FAT2: variants seen among roughly 807,000 people sequenced by gnomAD.
FAT2 encodes the protein protocadherin Fat 2.
Under a neutral mutation model 295.3 loss-of-function variants are expected in FAT2, and 150 were observed. That is an observed-to-expected ratio of 0.51 (90% confidence interval 0.44 to 0.58). FAT2 has a LOEUF of 0.58. Ranked by LOEUF, FAT2 falls within the 20% of genes least tolerant of loss-of-function variation. The pLI is 0.00. For synonymous variants in FAT2, 2,026 were observed against 2,150.3 expected, an observed-to-expected ratio of 0.94 and a Z score of 1.60; for missense variants, 4,868 against 5,442.7, an observed-to-expected ratio of 0.89 and a Z score of 3.32.
rs116401802 is a variant in FAT2, at chr5:151,546,322, A to G, written c.4805T>C (p.Phe1602Ser). ...YSLLKGNSEG[F>S]FNINALLGII... ...GCCTAGCAGGGCATTGATGTTGAAG[A>G]AACCTTCGCTGTTCCCTGAAACAGA... Residue 1602 changes from phenylalanine (F) to serine (S), a missense_variant, in exon 10 of 24, where the codon TTC becomes TCC. By Grantham distance (155) the Phe-to-Ser change is radical. Transcript: ENST00000261800. The G allele has an allele frequency of 5.5e-4, 889 of 1,612,610 alleles. 3 individuals carry two copies. In the African/African-American group the frequency reaches 0.011, roughly 20 times the overall value.
At chr5:151,562,527 G>A (rs1339917036) in intron 3 of FAT2, among the ~76,000 whole-genome samples, 1 of 152,164 alleles carries the variant, frequency 6.6e-6, no homozygotes, top group Non-Finnish European at 1.5e-5. Context: ...AGGACCTGCA[G>A]GGATCAGAGC....
rs1270325646 is a variant in FAT2 at position 151,585,512 on chromosome 5, T to C, written c.-21+5653A>G. Among the ~76,000 whole-genome samples the C allele has an allele frequency of 3.3e-5, 5 of 152,176 alleles. No individual in the cohort carries two copies. The South Asian group carries it at 6.2e-4, about 19-fold the overall frequency. On this transcript the variant is annotated intron_variant, in intron 1 of 23. Coordinates refer to ENST00000261800, the MANE Select transcript of FAT2 (RefSeq NM_001447.3). ...CTGTAATCCCAGCTACTCTGGAGGC[T>C]GAGTCAGGAGAATCACTTGAATCCG...
Position 151,510,061 on chromosome 5 carries a change from C to CT in FAT2, c.12018dup (p.Gly4007ArgfsTer5), listed in dbSNP as rs1561811731. ...GGATGAGGGCAGTTACAGGAAGCTC[C>CT]TTTGGGGGAGAGGATGCAAGTTCCA... On this transcript the variant is annotated frameshift_variant, in exon 22 of 24. Transcript: ENST00000261800. LOFTEE classifies it high-confidence loss of function. The CT allele has an allele frequency of 6.2e-7, 1 of 1,614,130 alleles. No homozygotes were observed. The highest frequency in any genetic ancestry group is 1.7e-4 in the Middle Eastern group (1 of 6,060).
intron 5 of FAT2, among the ~76,000 whole-genome samples, 185 bp from the exon 6 acceptor site, chr5:151,553,572 C>T (rs1215968731): frequency 6.6e-6 from 1 of 152,174 alleles, no homozygotes; most frequent in Non-Finnish European, 1.5e-5. Flanking sequence ...GCTGCAGGCA[C>T]GGTGGTGAAC....
In FAT2 at chr5:151,551,505, C is replaced by T. The variant is rs887805141; in HGVS notation, c.4258G>A (p.Val1420Ile). 6.2e-7 allele frequency: 1 copy of T among 1,614,216 alleles called. No individual in the cohort carries two copies. Among genetic ancestry groups the T allele is most frequent in the East Asian group, 2.2e-5 (1 of 44,884 alleles). ...GTGCGGGACCCATCTGTCACCTCAA[C>T]AGTCAAGTTATAGTTCGACCTTCTC... is the stretch of plus-strand genomic sequence containing the variant. ...TRRRSNYNLT[V>I]EVTDGSRTIA... Residue 1420 changes from valine (V) to isoleucine (I), a missense_variant, in exon 7 of 24, where the codon GTT (valine) becomes ATT (isoleucine). Physicochemically the swap from Val to Ile is conservative, Grantham distance 29. Coordinates refer to ENST00000261800, the MANE Select transcript of FAT2 (RefSeq NM_001447.3).
upstream of FAT2, among the ~76,000 whole-genome samples, chr5:151,593,818 A>G (rs1342403763): frequency 1.3e-5 from 2 of 152,076 alleles, no homozygotes; most frequent in Non-Finnish European, 2.9e-5. Flanking sequence ...CCTGGCCAAC[A>G]TGGTGAAATC....
chr5:151,505,800 G>T lies in FAT2; in HGVS notation c.12815C>A (p.Thr4272Lys), dbSNP rs770608155. 1.2e-6 allele frequency: 2 copies of T among 1,613,932 alleles called. No homozygotes were observed. Among genetic ancestry groups the T allele is most frequent in the Admixed American group, 3.3e-5 (2 of 59,990 alleles). ...CTGCGAGTGGTAGTAGCTGATGGCC[G>T]TGTACTCATTGAGACAGGGGGCAAC... ...RLVAPCLNEY[T>K]AISYYHSQFR... The change falls in exon 24 of 24, where the codon ACG (threonine) becomes AAG (lysine). Residue 4272 changes from threonine to lysine, a missense_variant. Transcript: ENST00000261800.
chr5:151,550,669 T>A lies in FAT2; in HGVS notation c.4499A>T (p.Asp1500Val), dbSNP rs2127621774. The A allele has an allele frequency of 6.2e-7, 1 of 1,614,166 alleles. No homozygotes were observed. The highest frequency in any genetic ancestry group is 8.5e-7 in the Non-Finnish European group (1 of 1,180,036). ...CGTTACCAGGACACCACTGCTTGGG[T>A]CCAGCTGGAAGAGGCTGGCACTTCC... ...DPGSASLFQLDPSSGVLVTVG... is the reference protein window; with the variant it reads ...DPGSASLFQLVPSSGVLVTVG... Residue 1500 changes from aspartate (D) to valine (V), a missense_variant, in exon 8 of 24, where the codon GAC becomes GTC. Asp to Val is a radical substitution (Grantham distance 152, BLOSUM62 -3). Around this residue, in one of 5 missense-constraint regions of FAT2, gnomAD observed 3,297 missense variants for 3,669.4 expected, o/e 0.90. Transcript: ENST00000261800.
At chr5:151,536,808 A>T (rs1755356636) in intron 12 of FAT2, among the ~76,000 whole-genome samples, 1 of 152,024 alleles carries the variant, frequency 6.6e-6, no homozygotes, top group Non-Finnish European at 1.5e-5. Flanking sequence ...TGGCCATGAC[A>T]CTCACCTGCC....
In FAT2 at chr5:151,563,331, CAG is replaced by C. The variant is rs1442751724; in HGVS notation, c.3566_3567del (p.Pro1189ArgfsTer18). On this transcript the variant is annotated frameshift_variant, in exon 3 of 24. Coordinates refer to ENST00000261800, the MANE Select transcript of FAT2 (RefSeq NM_001447.3). LOFTEE classifies it high-confidence loss of function. ...CAGCTTTTTGGATCCTTACCTGTAACAGGGTGAATCATAAAGAATCCCATGTA... is the reference window on the plus strand; with the variant it reads ...CAGCTTTTTGGATCCTTACCTGTAACGGTGAATCATAAAGAATCCCATGTA... ...GNYMGFFMIHPVTGLLSTAQQ... is the reference protein window; with the variant it reads ...GNYMGFFMIHXVTGLLSTAQQ... 2 of 1,613,794 alleles carry C rather than the reference CAG, an allele frequency of 1.2e-6. No individual in the cohort carries two copies. The highest frequency in any genetic ancestry group is 2.7e-5 in the African/African-American group (2 of 74,914).
At chr5:151,563,903 G>A (rs1238992431) in intron 2 of FAT2, among the ~76,000 whole-genome samples, 1 of 152,072 alleles carries the variant, frequency 6.6e-6, no homozygotes, top group Non-Finnish European at 1.5e-5. Flanking sequence ...GCATATTTAG[G>A]GTTTTCAGAA....
intron 20 of FAT2, among the ~76,000 whole-genome samples, chr5:151,517,068 A>G (rs1267100015): frequency 6.6e-6 from 1 of 151,628 alleles, no homozygotes; most frequent in Non-Finnish European, 1.5e-5. Flanking sequence ...AAATCACACC[A>G]CTGCACTCCA....
At chr5:151,510,623 G>T in intron 21 of FAT2, 1 of 154,084 alleles carries the variant, frequency 6.5e-6, no homozygotes, top group Admixed American at 6.4e-5. Flanking sequence ...CAAAGCTGGG[G>T]TTCAAACCTA....
intron 1 of FAT2, among the ~76,000 whole-genome samples, chr5:151,571,088 G>C (rs1349733280): frequency 6.6e-6 from 1 of 152,026 alleles, no homozygotes; most frequent in South Asian, 2.1e-4. Context: ...TTCTTCATTC[G>C]AGGTCTGAAA....
In FAT2 at chr5:151,531,776, C is replaced by G. The variant is rs200006738; in HGVS notation, c.9622G>C (p.Val3208Leu). Residue 3208 changes from valine to leucine, a missense_variant, in exon 14 of 24, where the codon GTG becomes CTG. Val to Leu is a conservative substitution (Grantham distance 32, BLOSUM62 1). Transcript: ENST00000261800. This position sits in a 1 kb window ranked among gnomAD's most constrained non-coding sequence, Gnocchi z 5.7. ...GGCAGGTAGTCTTCTAGGCCCACCA[C>G]CGAGACTGTGACGGTGCCCAGCGTG... ...LSTLGTVTVS[V>L]VGLEDYLPVF... The G allele has an allele frequency of 6.2e-7, 1 of 1,612,584 alleles. No homozygotes were observed. Among genetic ancestry groups the G allele is most frequent in the East Asian group, 2.2e-5 (1 of 44,870 alleles).
Position 151,531,784 on chromosome 5 carries a change from G to A in FAT2, c.9614C>T (p.Thr3205Ile), listed in dbSNP as rs2127591554. ...PIPLSTLGTV[T>I]VSVVGLEDYL... The stretch of plus-strand genomic sequence containing the variant: ...GTCTTCTAGGCCCACCACCGAGACT[G>A]TGACGGTGCCCAGCGTGGACAGCGG... The change falls in exon 14 of 24, where the codon ACA becomes ATA. Residue 3205 changes from threonine to isoleucine, a missense_variant. Physicochemically the swap from Thr to Ile is moderately conservative, Grantham distance 89. This residue lies in a region of FAT2 where 1,046 missense variants were observed against 1,210.1 expected (regional missense o/e 0.86). Coordinates refer to ENST00000261800, the MANE Select transcript of FAT2 (RefSeq NM_001447.3). This position sits in a 1 kb window ranked among gnomAD's most constrained non-coding sequence, Gnocchi z 5.7. 1 of 1,612,760 alleles carries A rather than the reference G, an allele frequency of 6.2e-7. No individual in the cohort carries two copies. Among genetic ancestry groups the A allele is most frequent in the Non-Finnish European group, 8.5e-7 (1 of 1,180,010 alleles).
chr5:151,561,988 C>T (rs1389027715), intron 3 of FAT2, among the ~76,000 whole-genome samples: 1 of 152,174 alleles, frequency 6.6e-6, no homozygotes, highest in Non-Finnish European at 1.5e-5. Flanking sequence ...TCTCTTCCCA[C>T]TCCTGAAGAG....
rs1455740038 is a variant in FAT2 at position 151,521,350 on chromosome 5, C to G, written c.11243G>C (p.Gly3748Ala). 4 of 1,614,080 alleles carry G rather than the reference C, an allele frequency of 2.5e-6. No homozygotes were observed. Among genetic ancestry groups the G allele is most frequent in the Non-Finnish European group, 3.4e-6 (4 of 1,180,038 alleles). ...GAGCCTGGCGGTGCTGTACGTGGGC[C>G]CAACCTTGGGGTCCAGATGCACTGT... is the stretch of plus-strand genomic sequence containing the variant. ...HNTVHLDPKVGPTYSTARLSI... is the reference protein window; with the variant it reads ...HNTVHLDPKVAPTYSTARLSI... The change falls in exon 19 of 24, where the codon GGG becomes GCG. Residue 3748 changes from glycine (G) to alanine (A), a missense_variant. By Grantham distance (60) the Gly-to-Ala change is moderately conservative. This residue lies in a region of FAT2 where 1,046 missense variants were observed against 1,210.1 expected (regional missense o/e 0.86). Transcript: ENST00000261800.
chr5:151,550,923 G>A, intron 7 of FAT2, 52 bp from the exon 8 acceptor site: 1 of 1,568,900 alleles, frequency 6.4e-7, no homozygotes, highest in Non-Finnish European at 8.7e-7. Context: ...GGGGAACAGG[G>A]ACTGGGTCTG....
Sources: allele counts gnomAD v4.1 joint callset (sites outside exome capture counted in the v4.1 genomes callset), GRCh38; gene constraint gnomAD v4.1.1; regional missense constraint gnomAD v4.1.1; non-coding constraint Gnocchi (gnomAD v3.1); transcripts MANE v1.5; gene names NCBI Gene and HGNC (gene_info 2026-07-23, HGNC 2026-07-21).